Variants in SPATA18 observed in about 807,000 individuals in gnomAD.
SPATA18 encodes mitochondria-eating protein.
SPATA18 carries 54 observed loss-of-function variants against 68.1 expected under a neutral mutation model. The ratio of observed to expected loss-of-function variants is 0.79; its 90% CI spans 0.64 to 0.99. SPATA18 has a LOEUF of 0.99. Among genes scored for constraint, SPATA18 ranks in the 50% least tolerant of loss-of-function variants. The probability of loss-of-function intolerance (pLI) is 0.00; values close to 1 mark genes in which losing one functional copy is unlikely to be tolerated. For synonymous variants in SPATA18, 242 were observed against 244.8 expected (o/e 0.99, Z 0.11); for missense variants, 724 against 681.1 (o/e 1.06, Z -0.70).
At chr4:52,056,435 A>C (rs1415548016) in intron 1 of SPATA18, among the ~76,000 whole-genome samples, 2 of 152,180 alleles carry the variant, frequency 1.3e-5, no homozygotes, top group South Asian at 4.1e-4. Flanking sequence ...GATTGTTCTG[A>C]GGATTAAATG....
At chr4:52,053,045 C>G (rs1230183934) in intron 1 of SPATA18, among the ~76,000 whole-genome samples, 1 of 152,200 alleles carries the variant, frequency 6.6e-6, no homozygotes, top group East Asian at 1.9e-4. Context: ...GTACCTACTA[C>G]TTAGTCTCAG....
rs1388141104 is a variant in SPATA18 at position 52,094,657 on chromosome 4, C to T, written c.1609+85C>T. On this transcript the variant is annotated intron_variant, in intron 12 of 12. Transcript: ENST00000295213. ...TTAGCACTGAGCAGCAAAATGAATG[C>T]TTTGCTTCCTAGAGAGCATCTTTTT... The T allele has an allele frequency of 7.8e-6, 11 of 1,403,676 alleles. No individual in the cohort carries two copies. In the Admixed American group the frequency reaches 8.7e-5, roughly 11 times the overall value. The allele number at this position is 1,403,676 out of a possible 1,614,324, so 87.0% of individuals were successfully genotyped here.
intron 1 of SPATA18, among the ~76,000 whole-genome samples, chr4:52,055,291 C>G (rs897260538): frequency 6.6e-6 from 1 of 152,182 alleles, no homozygotes; most frequent in Non-Finnish European, 1.5e-5. Flanking sequence ...GTGGAAACTT[C>G]TTATTCATTT....
At chr4:52,075,719 C>A (rs1740279921) in intron 6 of SPATA18, among the ~76,000 whole-genome samples, 2 of 152,176 alleles carry the variant, frequency 1.3e-5, no homozygotes, top group South Asian at 4.1e-4. Flanking sequence ...ATAATGTCAT[C>A]TGCCCCTGCC....
At chr4:52,076,082 A>G (rs894698399) in intron 6 of SPATA18, among the ~76,000 whole-genome samples, 1 of 152,230 alleles carries the variant, frequency 6.6e-6, no homozygotes, top group Non-Finnish European at 1.5e-5. Flanking sequence ...CAGAGAGGCA[A>G]AACATTTTGG....
chr4:52,094,539 C>T lies in SPATA18; in HGVS notation c.1576C>T (p.Arg526Trp), dbSNP rs374841570. ...QIGLNTMSRS[R>W]SPSPIRCGLP... Reference sequence around the variant, plus strand: ...TTATATTTTCCAGATGTCTCGAAGTCGGAGTCCTTCTCCAATAAGATGTGG... The same window carrying T: ...TTATATTTTCCAGATGTCTCGAAGTTGGAGTCCTTCTCCAATAAGATGTGG... Residue 526 changes from arginine (R) to tryptophan (W), a missense_variant, in exon 12 of 13, where the codon CGG becomes TGG. Transcript: ENST00000295213. 6.8e-6 allele frequency: 11 copies of T among 1,613,214 alleles called. No homozygotes were observed. The highest frequency in any genetic ancestry group is 1.6e-4 in the Middle Eastern group (1 of 6,082).
intron 10 of SPATA18, chr4:52,083,257 C>T (rs1005042145): frequency 1.1e-5 from 11 of 985,212 alleles, no homozygotes; most frequent in Admixed American, 6.2e-5. Flanking sequence ...GCCCCTTAGT[C>T]CAGGATGATG....
At chr4:52,064,503 AC>A (rs1484929224) in intron 4 of SPATA18, among the ~76,000 whole-genome samples, 5 of 151,972 alleles carry the variant, frequency 3.3e-5, no homozygotes, top group African/African-American at 1.2e-4. Flanking sequence ...CTTAACTCCC[AC>A]TTATAAGTGA....
chr4:52,089,937 T>C lies in SPATA18; in HGVS notation c.1564-4590T>C, dbSNP rs1741790474. Among the ~76,000 whole-genome samples the C allele has an allele frequency of 5.8e-4, 88 of 152,232 alleles. 2 individuals are homozygous for C. Among genetic ancestry groups the C allele is most frequent in the Admixed American group, 5.8e-3 (88 of 15,294 alleles). ...GAGTATAAGTCTCTTTGTAGGTCTC[T>C]AAGAATTTGCTTTATGAATCTGGGT... On this transcript the variant is annotated intron_variant, in intron 11 of 12. Coordinates refer to ENST00000295213, the MANE Select transcript of SPATA18 (RefSeq NM_145263.4).
In SPATA18 at chr4:52,084,966, C is replaced by T. The variant is rs375188202; in HGVS notation, c.1530C>T (p.Pro510=). 6.6e-5 allele frequency: 106 copies of T among 1,613,726 alleles called. No individual in the cohort carries two copies. Among genetic ancestry groups the T allele is most frequent in the Non-Finnish European group, 8.5e-5 (100 of 1,179,916 alleles). The change falls in exon 11 of 13, where the codon CCC becomes CCT. Residue 510 remains proline (P), a synonymous_variant. Coordinates refer to ENST00000295213, the MANE Select transcript of SPATA18 (RefSeq NM_145263.4). ...VSRCRSRSLS[P]ICPRSQIGLN... ...GTTGTCGAAGCAGGAGTTTAAGTCC[C>T]ATTTGCCCCCGTAGCCAAATTGGTT...
At chr4:52,080,677 G>A (rs1446256669) in intron 9 of SPATA18, among the ~76,000 whole-genome samples, 1 of 152,070 alleles carries the variant, frequency 6.6e-6, no homozygotes, top group Admixed American at 6.6e-5. Flanking sequence ...TATAATGTTA[G>A]GCATGCCACT....
At chr4:52,090,839 C>T (rs1741877624) in intron 11 of SPATA18, among the ~76,000 whole-genome samples, 1 of 152,058 alleles carries the variant, frequency 6.6e-6, no homozygotes, top group South Asian at 2.1e-4. Flanking sequence ...GCCTGTCTTG[C>T]TTGGTTGGGG....
intron 4 of SPATA18, among the ~76,000 whole-genome samples, chr4:52,063,627 C>T (rs1739077097): frequency 6.6e-6 from 1 of 152,202 alleles, no homozygotes; most frequent in Non-Finnish European, 1.5e-5. Flanking sequence ...ACATTCAGCT[C>T]ATTCCAAGTG....
intron 9 of SPATA18, among the ~76,000 whole-genome samples, chr4:52,081,568 A>G (rs1740920900): frequency 6.6e-6 from 1 of 152,104 alleles, no homozygotes; most frequent in South Asian, 2.1e-4. Flanking sequence ...CACCCTTTTT[A>G]TTCTTATTCT....
chr4:52,069,643 A>T (rs968854739), intron 4 of SPATA18, among the ~76,000 whole-genome samples, 178 bp from the exon 5 acceptor site: 2 of 152,230 alleles, frequency 1.3e-5, no homozygotes, highest in African/African-American at 4.8e-5. Context: ...ATGTTTTAGC[A>T]TACAAGTCCA....
chr4:52,059,225 C>A (rs1217109850), intron 1 of SPATA18, among the ~76,000 whole-genome samples: 1 of 152,170 alleles, frequency 6.6e-6, no homozygotes, highest in African/African-American at 2.4e-5. Context: ...CTCAACTTTT[C>A]TCTTACTCCA....
rs962712048 is a variant in SPATA18, at chr4:52,070,042, A to T, written c.518+126A>T. The T allele has an allele frequency of 7.4e-4, 95 of 128,980 alleles. 1 individual carries two copies. Among genetic ancestry groups the T allele is most frequent in the Non-Finnish European group, 2.0e-4 (14 of 70,028 alleles). The allele number at this position is 128,980 out of a possible 1,614,324, so 8.0% of individuals were successfully genotyped here. ...AAATGCAGAAATATTTTTATTAATT[A>T]TATATATATATATATTTACTACAAA... On this transcript the variant is annotated intron_variant, in intron 5 of 12. Coordinates refer to ENST00000295213, the MANE Select transcript of SPATA18 (RefSeq NM_145263.4).
rs1023303693 is a variant in SPATA18 at position 52,076,933 on chromosome 4, C to T, written c.913C>T (p.Arg305Trp). 7 of 1,614,086 alleles carry T rather than the reference C, an allele frequency of 4.3e-6. No individual in the cohort carries two copies. Among genetic ancestry groups the T allele is most frequent in the African/African-American group, 1.3e-5 (1 of 74,938 alleles). The change falls in exon 7 of 13, where the codon CGG becomes TGG. Residue 305 changes from arginine (R) to tryptophan (W), a missense_variant. By Grantham distance (101) the Arg-to-Trp change is moderately radical. Transcript: ENST00000295213. Reference sequence around the variant, plus strand: ...GGCGCGCAAGGCTGCCCTCTTGTCCCGGTTCAGCGATTCCTATTCCCAGGC... The same window carrying T: ...GGCGCGCAAGGCTGCCCTCTTGTCCTGGTTCAGCGATTCCTATTCCCAGGC... The part of the protein sequence containing the change: ...NVARKAALLS[R>W]FSDSYSQARL...
intron 6 of SPATA18, among the ~76,000 whole-genome samples, chr4:52,074,466 G>C (rs1285343452): frequency 6.6e-6 from 1 of 152,152 alleles, no homozygotes; most frequent in Non-Finnish European, 1.5e-5. Flanking sequence ...CAGCGGTGGT[G>C]TTCAAAACCA....
Sources: allele counts gnomAD v4.1 joint callset (sites outside exome capture counted in the v4.1 genomes callset), GRCh38; gene constraint gnomAD v4.1.1; transcripts MANE v1.5; gene names NCBI Gene and HGNC (gene_info 2026-07-23, HGNC 2026-07-21).